Variants in PPP3CC observed in about 807,000 individuals in gnomAD.
The protein encoded by PPP3CC is protein phosphatase 3 catalytic subunit gamma.
In PPP3CC, 35 loss-of-function variants were observed where a neutral mutation model predicts 60.3. That is an observed-to-expected ratio of 0.58 (90% CI 0.44 to 0.77). The LOEUF (loss-of-function observed/expected upper bound fraction) is 0.77. Among genes scored for constraint, PPP3CC ranks in the 30% least tolerant of loss-of-function variants. The probability of loss-of-function intolerance (pLI) is 0.00; values close to 1 mark genes in which losing one functional copy is unlikely to be tolerated. For synonymous variants in PPP3CC, 206 were observed against 224.3 expected, an observed-to-expected ratio of 0.92 and a Z score of 0.73; for missense variants, 570 against 628.9, an observed-to-expected ratio of 0.91 and a Z score of 1.00.
intron 3 of PPP3CC, among the ~76,000 whole-genome samples, chr8:22,489,099 G>A (rs556225635): frequency 1.8e-4 from 28 of 151,716 alleles, no homozygotes; most frequent in African/African-American, 5.6e-4. Flanking sequence ...CAATTACTTT[G>A]GCTGTTAGAA....
chr8:22,496,817 G>A (rs1286472136), intron 3 of PPP3CC, among the ~76,000 whole-genome samples: 1 of 151,750 alleles, frequency 6.6e-6, no homozygotes, highest in African/African-American at 2.4e-5. Flanking sequence ...ATCTTTTCAT[G>A]TTGATTTATT....
At chr8:22,480,540 G>A (rs1355356531) in intron 3 of PPP3CC, among the ~76,000 whole-genome samples, 3 of 152,144 alleles carry the variant, frequency 2.0e-5, no homozygotes, top group African/African-American at 7.2e-5. Flanking sequence ...GTGCAGTGGT[G>A]CAATCTCAGC....
chr8:22,512,572 T>C (rs767020130), intron 5 of PPP3CC, among the ~76,000 whole-genome samples: 1 of 152,232 alleles, frequency 6.6e-6, no homozygotes, highest in African/African-American at 2.4e-5. Flanking sequence ...AGGTTTGCAA[T>C]GAACAGAACC....
At chr8:22,526,156 T>C (rs1413709732) in intron 8 of PPP3CC, among the ~76,000 whole-genome samples, 1 of 152,180 alleles carries the variant, frequency 6.6e-6, no homozygotes, top group Non-Finnish European at 1.5e-5. Context: ...TTTCATATTC[T>C]TTAGACTTCT....
chr8:22,485,569 G>T (rs542877754), intron 3 of PPP3CC, among the ~76,000 whole-genome samples: 1 of 152,230 alleles, frequency 6.6e-6, no homozygotes, highest in Non-Finnish European at 1.5e-5. Context: ...TAGAGGAGGG[G>T]GTGACTTTCA....
At chr8:22,521,925 C>T (rs532575137) in intron 6 of PPP3CC, among the ~76,000 whole-genome samples, 2 of 149,978 alleles carry the variant, frequency 1.3e-5, no homozygotes, top group Non-Finnish European at 3.0e-5. Context: ...GATTGCACCA[C>T]TGCACTCCAG....
chr8:22,489,623 A>G (rs937080102), intron 3 of PPP3CC, among the ~76,000 whole-genome samples: 2 of 141,626 alleles, frequency 1.4e-5, no homozygotes, highest in African/African-American at 5.2e-5. Context: ...TATAATATAT[A>G]ATAAGTATAT....
chr8:22,466,197 T>C (rs984277484), intron 1 of PPP3CC, among the ~76,000 whole-genome samples: 1 of 152,250 alleles, frequency 6.6e-6, no homozygotes, highest in Non-Finnish European at 1.5e-5. Context: ...TAGTATTCCA[T>C]GGTCTATATG....
chr8:22,520,415 T>C (rs1378865343), intron 6 of PPP3CC, among the ~76,000 whole-genome samples: 1 of 152,206 alleles, frequency 6.6e-6, no homozygotes, highest in African/African-American at 2.4e-5. Flanking sequence ...TTTCTGCCCC[T>C]TTTTCTTCTC....
chr8:22,459,167 A>C (rs983403306), intron 1 of PPP3CC, among the ~76,000 whole-genome samples: 1 of 151,900 alleles, frequency 6.6e-6, no homozygotes, highest in Non-Finnish European at 1.5e-5. Context: ...CCTGGGCCCA[A>C]GTGATCGTTC....
At chr8:22,507,227 T>C (rs940966181) in intron 4 of PPP3CC, among the ~76,000 whole-genome samples, 9 of 151,996 alleles carry the variant, frequency 5.9e-5, no homozygotes, top group Admixed American at 5.2e-4. Flanking sequence ...CTCTCAAAAT[T>C]GCTTTCAGAT....
chr8:22,464,382 A>G (rs1414764361), intron 1 of PPP3CC, among the ~76,000 whole-genome samples: 1 of 152,174 alleles, frequency 6.6e-6, no homozygotes, highest in South Asian at 2.1e-4. Flanking sequence ...ATTTCTTATT[A>G]TTTACTTATT....
At chr8:22,515,681 T>C (rs1204856758) in intron 6 of PPP3CC, among the ~76,000 whole-genome samples, 2 of 152,224 alleles carry the variant, frequency 1.3e-5, no homozygotes, top group Non-Finnish European at 2.9e-5. Flanking sequence ...TGAGATGATA[T>C]CTCATTGAAG....
chr8:22,492,173 T>C (rs1838424399), intron 3 of PPP3CC, among the ~76,000 whole-genome samples: 1 of 152,108 alleles, frequency 6.6e-6, no homozygotes, highest in Non-Finnish European at 1.5e-5. Flanking sequence ...TGCTGAATAC[T>C]GTAGGCAGTT....
At chr8:22,497,152 C>A (rs1411623553) in intron 3 of PPP3CC, among the ~76,000 whole-genome samples, 1 of 152,168 alleles carries the variant, frequency 6.6e-6, no homozygotes, top group African/African-American at 2.4e-5. Flanking sequence ...GCCTCAGCCT[C>A]CCGAGTAGCT....
chr8:22,441,529 G>T, intron 1 of PPP3CC, 71 bp downstream of exon 1: 1 of 1,446,818 alleles, frequency 6.9e-7, no homozygotes, highest in South Asian at 1.4e-5. Flanking sequence ...GGCTCGGGGC[G>T]GAGGGAGGCT....
intron 1 of PPP3CC, among the ~76,000 whole-genome samples, chr8:22,459,655 T>G (rs1253257766): frequency 5.9e-5 from 9 of 152,160 alleles, no homozygotes; most frequent in African/African-American, 2.2e-4. Flanking sequence ...TCATATTACT[T>G]TGATATATGT....
intron 3 of PPP3CC, among the ~76,000 whole-genome samples, chr8:22,488,086 G>A (rs777206220): frequency 7.2e-5 from 11 of 152,158 alleles, no homozygotes; most frequent in Admixed American, 2.0e-4. Flanking sequence ...TATATATCTC[G>A]TTACCTCAAA....
Position 22,441,217 on chromosome 8 carries a change from C to G in PPP3CC, c.-193C>G. On this transcript the variant is annotated 5_prime_UTR_variant, in exon 1 of 14. Transcript: ENST00000240139. ...AAGAGAGCGGCCGGTGGGCCCTCGT[C>G]CTGTCAGTGGCGTCGGAGGCCGGCG... 1 of 471,576 alleles carries G rather than the reference C, an allele frequency of 2.1e-6. No homozygotes were observed. The highest frequency in any genetic ancestry group is 3.6e-5 in the East Asian group (1 of 27,856). The allele number at this position is 471,576 out of a possible 1,614,324, so 29.2% of individuals were successfully genotyped here.
Sources: gnomAD v4.1 joint callset for allele counts (sites outside exome capture counted in the v4.1 genomes callset) on GRCh38, gnomAD v4.1.1 for gene constraint, MANE v1.5 for transcripts, NCBI Gene and HGNC (gene_info 2026-07-23, HGNC 2026-07-21) for gene names.